NPHS2: variants seen among roughly 807,000 people sequenced by gnomAD.
The protein encoded by NPHS2 is NPHS2 stomatin family member, podocin, also known as podocin.
A neutral mutation model predicts 37.1 loss-of-function variants in NPHS2; 36 were observed. The observed-to-expected ratio is 0.97, with a 90% CI of 0.74 to 1.28. The LOEUF is 1.28. Among genes scored for constraint, NPHS2 ranks in the 50% most tolerant of loss-of-function variants. NPHS2 has a pLI of 0.00. For synonymous variants in NPHS2, 196 were observed against 189.3 expected, an observed-to-expected ratio of 1.04 and a Z score of -0.29; for missense variants, 447 against 488.1, an observed-to-expected ratio of 0.92 and a Z score of 0.79.
At position 179,557,435 on chromosome 1, in the gene NPHS2, T is replaced by C. The variant is rs16854340; in HGVS notation, c.535-205A>G. ...AAGAATGCACAACTTAATCCTGTGG[T>C]AAATCCTTTTGTAAAAAAAATCAGA... On this transcript the variant is annotated intron_variant, in intron 4 of 7. Coordinates refer to ENST00000367615, the MANE Select transcript of NPHS2 (RefSeq NM_014625.4). Among the ~76,000 whole-genome samples, 859 of 152,340 alleles carry C rather than the reference T, an allele frequency of 5.6e-3. 12 individuals carry two copies. Among genetic ancestry groups the C allele is most frequent in the African/African-American group, 0.02 (826 of 41,570 alleles).
At chr1:179,559,813 T>TTATC in intron 3 of NPHS2, 52 bp from the exon 4 acceptor site, 1 of 1,274,330 alleles carries the variant, frequency 7.8e-7, no homozygotes, top group Non-Finnish European at 1.1e-6. Context: ...TGAAGGCTGT[T>TTATC]TGGGTTTCAC....
intron 7 of NPHS2, chr1:179,551,714 C>A: frequency 4.3e-6 from 2 of 466,072 alleles, no homozygotes; most frequent in Middle Eastern, 5.8e-4. Flanking sequence ...ATCTGGTGGG[C>A]CTTGAAAGAT....
At chr1:179,554,583 G>A (rs1250654684) in intron 5 of NPHS2, 52 bp from the exon 6 acceptor site, 1 of 1,612,524 alleles carries the variant, frequency 6.2e-7, no homozygotes, top group Non-Finnish European at 8.5e-7. Context: ...TGGGAGGAGA[G>A]CATGCCTAAA....
chr1:179,572,502 C>T, intron 1 of NPHS2, among the ~76,000 whole-genome samples: 1 of 152,170 alleles, frequency 6.6e-6, no homozygotes, highest in Non-Finnish European at 1.5e-5. Flanking sequence ...GTCTTATTTA[C>T]AGTATGCCCC....
chr1:179,554,376 A>C, intron 6 of NPHS2, 100 bp downstream of exon 6: 2 of 1,381,598 alleles, frequency 1.4e-6, no homozygotes, highest in Non-Finnish European at 2.1e-6. Flanking sequence ...TGATATGGCT[A>C]TAGTACTCAG....
intron 1 of NPHS2, among the ~76,000 whole-genome samples, 157 bp downstream of exon 1, chr1:179,575,434 T>G (rs947711681): frequency 3.3e-5 from 5 of 152,210 alleles, no homozygotes; most frequent in Non-Finnish European, 7.3e-5. Flanking sequence ...AGCAGGTTGC[T>G]GGGTTCCTAA....
At chr1:179,569,993 A>G (rs760247622) in intron 1 of NPHS2, among the ~76,000 whole-genome samples, 7 of 151,766 alleles carry the variant, frequency 4.6e-5, no homozygotes, top group Non-Finnish European at 1.0e-4. Flanking sequence ...CTTCATTTCA[A>G]CCTTGGTGAA....
Position 179,551,132 on chromosome 1 carries a change from T to A in NPHS2, c.*41A>T. 6.2e-7 allele frequency: 1 copy of A among 1,612,488 alleles called. No homozygotes were observed. Among genetic ancestry groups the A allele is most frequent in the Non-Finnish European group, 8.5e-7 (1 of 1,179,460 alleles). The stretch of plus-strand genomic sequence containing the variant: ...GTCTCCCTCAGGCATGTGACTTTTC[T>A]ATGGCAGGCCCCTTTACAGTCACAT... On this transcript the variant is annotated 3_prime_UTR_variant, in exon 8 of 8. Coordinates refer to ENST00000367615, the MANE Select transcript of NPHS2 (RefSeq NM_014625.4).
At chr1:179,571,450 G>C (rs1674550190) in intron 1 of NPHS2, among the ~76,000 whole-genome samples, 1 of 152,096 alleles carries the variant, frequency 6.6e-6, no homozygotes, top group African/African-American at 2.4e-5. Context: ...CTTCATCCCA[G>C]GGGGGCAGCC....
chr1:179,563,054 G>T (rs1674205756), intron 2 of NPHS2, among the ~76,000 whole-genome samples: 1 of 152,154 alleles, frequency 6.6e-6, no homozygotes, highest in Admixed American at 6.5e-5. Context: ...AGAGCCTGCT[G>T]CCAACTATAC....
At chr1:179,555,640 A>C (rs1482656661) in intron 5 of NPHS2, among the ~76,000 whole-genome samples, 1 of 152,220 alleles carries the variant, frequency 6.6e-6, no homozygotes, top group Admixed American at 6.5e-5. Context: ...CTTAAAGGAC[A>C]AATAAAATCT....
intron 1 of NPHS2, among the ~76,000 whole-genome samples, chr1:179,565,617 A>G (rs1674303653): frequency 6.6e-6 from 1 of 152,222 alleles, no homozygotes; most frequent in Non-Finnish European, 1.5e-5. Flanking sequence ...ACATGTGCAC[A>G]ACGTGCAGGT....
chr1:179,568,522 T>A (rs1674422722), intron 1 of NPHS2, among the ~76,000 whole-genome samples: 1 of 152,218 alleles, frequency 6.6e-6, no homozygotes, highest in Admixed American at 6.5e-5. Flanking sequence ...ATTGATTTTT[T>A]AAAGGGTTTT....
chr1:179,575,811 C>G lies in NPHS2; in HGVS notation c.54G>C (p.Arg18Ser). ...SSRESRGRGG[R>S]TPHKENKRAK... ...CCCTCTTGTTCTCCTTGTGCGGAGT[C>G]CTGCCGCCTCGCCCGCGGGACTCCC... The change falls in exon 1 of 8, where the codon AGG becomes AGC. Residue 18 changes from arginine to serine, a missense_variant. Arg to Ser is a moderately radical substitution (Grantham distance 110, BLOSUM62 -1). Transcript: ENST00000367615. 1 of 1,463,216 alleles carries G rather than the reference C, an allele frequency of 6.8e-7. No individual in the cohort carries two copies. Among genetic ancestry groups the G allele is most frequent in the Non-Finnish European group, 9.0e-7 (1 of 1,117,152 alleles). 90.6% of individuals were successfully genotyped at this position (1,463,216 alleles called of 1,614,324 possible). A position where few individuals can be genotyped will look rare whatever the true frequency, so the allele number is the denominator to read the frequency against.
rs1673821128 is a variant in NPHS2 at position 179,554,815 on chromosome 1, A to G, written c.739-284T>C. 1.6e-5 allele frequency: 8 copies of G among 496,000 alleles called. 1 individual carries two copies. In the South Asian group the frequency reaches 1.9e-4, roughly 12 times the overall value. The allele number at this position is 496,000 out of a possible 1,614,324, so 30.7% of individuals were successfully genotyped here. On this transcript the variant is annotated intron_variant, in intron 5 of 7. Coordinates refer to ENST00000367615, the MANE Select transcript of NPHS2 (RefSeq NM_014625.4). Reference sequence around the variant, plus strand: ...TGGAATCTGTGAATGTTACCCCAAGAGGGATTTTGCTGGTTTGATTAGGTT... The same window carrying G: ...TGGAATCTGTGAATGTTACCCCAAGGGGGATTTTGCTGGTTTGATTAGGTT...
In NPHS2 at chr1:179,550,893, C is replaced by T. The variant is rs1361913636; in HGVS notation, c.*280G>A. 2 of 456,742 alleles carry T rather than the reference C, an allele frequency of 4.4e-6. No homozygotes were observed. Among genetic ancestry groups the T allele is most frequent in the Non-Finnish European group, 8.1e-6 (2 of 247,910 alleles). 28.3% of individuals were successfully genotyped at this position (456,742 alleles called of 1,614,324 possible). A position where few individuals can be genotyped will look rare whatever the true frequency, so the allele number is the denominator to read the frequency against. ...AAGTTCCCAGAAGTCAAAATTTAAC[C>T]ACATCTAGACTCAAAATTCTTTCCA... On this transcript the variant is annotated 3_prime_UTR_variant, in exon 8 of 8. Coordinates refer to ENST00000367615, the MANE Select transcript of NPHS2 (RefSeq NM_014625.4).
In NPHS2 at chr1:179,561,300, G is replaced by A; in HGVS notation, c.440C>T (p.Ala147Val). 1 of 1,612,760 alleles carries A rather than the reference G, an allele frequency of 6.2e-7. No homozygotes were observed. Residue 147 changes from alanine (A) to valine (V), a missense_variant, in exon 3 of 8, where the codon GCC (alanine) becomes GTC (valine). Ala to Val is a moderately conservative substitution (Grantham distance 64). Transcript: ENST00000367615. ...FRLGHLLPGR[A>V]KGPGLFFFLP... ...GAGTGTTTTTTTACCAGGGCCTTTG[G>A]CTCTTCCAGGAAGCAGATGTCCCAG...
chr1:179,572,086 C>T (rs903452999), intron 1 of NPHS2, among the ~76,000 whole-genome samples: 8 of 152,234 alleles, frequency 5.3e-5, no homozygotes, highest in African/African-American at 1.9e-4. Context: ...ACTTTCCGAC[C>T]AGTCCTGGTG....
chr1:179,556,989 A>C lies in NPHS2; in HGVS notation c.738+38T>G, dbSNP rs1201212863. 8.0e-6 allele frequency: 12 copies of C among 1,508,674 alleles called. No homozygotes were observed. The Admixed American group carries it at 2.1e-4, about 27-fold the overall frequency. The allele number at this position is 1,508,674 out of a possible 1,614,324, so 93.5% of individuals were successfully genotyped here. A position where few individuals can be genotyped will look rare whatever the true frequency, so the allele number is the denominator to read the frequency against. On this transcript the variant is annotated intron_variant, in intron 5 of 7. Transcript: ENST00000367615. This position sits in a 1 kb window ranked among gnomAD's most constrained non-coding sequence, Gnocchi z 4.1. The stretch of plus-strand genomic sequence containing the variant: ...CAATGAACAAATGAATAAAAGATAA[A>C]TATTTCAGCATATTGGCCATTATGT...
Sources: allele counts gnomAD v4.1 joint callset (sites outside exome capture counted in the v4.1 genomes callset), GRCh38; gene constraint gnomAD v4.1.1; non-coding constraint Gnocchi (gnomAD v3.1); transcripts MANE v1.5; gene names NCBI Gene and HGNC (gene_info 2026-07-23, HGNC 2026-07-21).